Variants in PCTP observed in about 807,000 individuals in gnomAD.
The protein encoded by PCTP is phosphatidylcholine transfer protein, also known as START domain-containing protein 2.
Under a neutral mutation model 31.0 loss-of-function variants are expected in PCTP, and 27 were observed. The ratio of observed to expected loss-of-function variants is 0.87; its 90% confidence interval spans 0.64 to 1.20. The LOEUF (loss-of-function observed/expected upper bound fraction) is 1.20, where lower values mean the gene tolerates loss of function less well. Among genes scored for constraint, PCTP ranks in the 50% most tolerant of loss-of-function variants. The probability of loss-of-function intolerance (pLI) is 0.00; values close to 1 mark genes in which losing one functional copy is unlikely to be tolerated. For synonymous variants in PCTP, 108 were observed against 101.2 expected (o/e 1.07, Z -0.40); for missense variants, 287 against 268.2 (o/e 1.07, Z -0.49).
intron 1 of PCTP, among the ~76,000 whole-genome samples, chr17:55,752,640 T>G (rs1909776157): frequency 6.6e-6 from 1 of 152,212 alleles, no homozygotes; most frequent in African/African-American, 2.4e-5. Context: ...ACTTACAAAT[T>G]AGTAGGGCTG....
chr17:55,841,470 T>G (rs891795698), intron 5 of PCTP, among the ~76,000 whole-genome samples: 1 of 152,240 alleles, frequency 6.6e-6, no homozygotes, highest in African/African-American at 2.4e-5. Flanking sequence ...ATATTTTTAC[T>G]GACTTTGACT....
chr17:55,847,709 C>T (rs2145100990), downstream of PCTP, among the ~76,000 whole-genome samples: 1 of 152,178 alleles, frequency 6.6e-6, no homozygotes, highest in East Asian at 1.9e-4. Flanking sequence ...AGTTTGAGTC[C>T]AAAGACTAAT....
At chr17:55,772,070 G>C (rs1037953266) in intron 3 of PCTP, among the ~76,000 whole-genome samples, 1 of 152,148 alleles carries the variant, frequency 6.6e-6, no homozygotes, top group Non-Finnish European at 1.5e-5. Flanking sequence ...TTCTTCCTCC[G>C]TGGAGTATCA....
At chr17:55,810,235 G>A (rs1039589320) in intron 3 of PCTP, among the ~76,000 whole-genome samples, 3 of 152,110 alleles carry the variant, frequency 2.0e-5, no homozygotes, top group Non-Finnish European at 2.9e-5. Flanking sequence ...CAGGCTGGTC[G>A]CAAACTCCTG....
Position 55,776,858 on chromosome 17 carries a change from C to T in PCTP, c.*758C>T, listed in dbSNP as rs1275958309. The T allele has an allele frequency of 7.0e-6, 7 of 1,001,462 alleles. No homozygotes were observed. The highest frequency in any genetic ancestry group is 8.3e-6 in the Non-Finnish European group (7 of 841,144). The allele number at this position is 1,001,462 out of a possible 1,614,324, so 62.0% of individuals were successfully genotyped here. On this transcript the variant is annotated 3_prime_UTR_variant, in exon 6 of 6. Coordinates refer to ENST00000268896, the MANE Select transcript of PCTP (RefSeq NM_021213.4). Reference sequence around the variant, plus strand: ...CCATATGTCACTGGGGGAAAGGCTGCCTGTACCTCTCAAGCTTTGCATTTT... The same window carrying T: ...CCATATGTCACTGGGGGAAAGGCTGTCTGTACCTCTCAAGCTTTGCATTTT...
chr17:55,759,847 A>G (rs540881067), intron 1 of PCTP, among the ~76,000 whole-genome samples: 1 of 152,348 alleles, frequency 6.6e-6, no homozygotes, highest in African/African-American at 2.4e-5. Context: ...TCATTTGCAA[A>G]CATTACGACA....
At chr17:55,831,833 G>C (rs2145080124) in intron 5 of PCTP, among the ~76,000 whole-genome samples, 1 of 152,248 alleles carries the variant, frequency 6.6e-6, no homozygotes, top group South Asian at 2.1e-4. Flanking sequence ...TGTAATCCCA[G>C]CACTTTGGGA....
intron 3 of PCTP, among the ~76,000 whole-genome samples, chr17:55,819,867 C>G (rs144378699): frequency 6.6e-6 from 1 of 152,210 alleles, no homozygotes; most frequent in East Asian, 1.9e-4. Context: ...TAAACCCTCT[C>G]AATTACAATA....
intron 3 of PCTP, among the ~76,000 whole-genome samples, chr17:55,790,239 G>T (rs970012587): frequency 1.3e-5 from 2 of 151,972 alleles, no homozygotes; most frequent in African/African-American, 4.8e-5. Context: ...TTTGAAAACT[G>T]GCACAAGACA....
At chr17:55,760,677 C>T (rs947009962) in intron 1 of PCTP, among the ~76,000 whole-genome samples, 1 of 152,160 alleles carries the variant, frequency 6.6e-6, no homozygotes, top group Non-Finnish European at 1.5e-5. Flanking sequence ...TGCCTTTCTC[C>T]TGGTTCCTTT....
At chr17:55,769,747 C>T (rs1031559906) in intron 2 of PCTP, 2 of 152,246 alleles carry the variant, frequency 1.3e-5, no homozygotes, top group Non-Finnish European at 2.9e-5. Context: ...ATCTGCCATC[C>T]CTGAATTCGT....
At chr17:55,779,255 T>C (rs1178879850), downstream of PCTP, among the ~76,000 whole-genome samples, 3 of 152,140 alleles carry the variant, frequency 2.0e-5, no homozygotes, top group Non-Finnish European at 2.9e-5. Context: ...TATGGTCTAA[T>C]GAAAACTCAG....
rs138346469 is a variant in PCTP at position 55,800,880 on chromosome 17, C to T, written c.317+13226C>T. 2.2e-3 allele frequency among the ~76,000 whole-genome samples: 342 copies of T among 152,172 alleles called. 2 individuals carry two copies. Among genetic ancestry groups the T allele is most frequent in the South Asian group, 3.7e-3 (18 of 4,818 alleles). On this transcript the variant is annotated intron_variant, in intron 3 of 3. Coordinates refer to the PCTP transcript ENST00000572536. ...TTAGTTTTCCTTCTAACAGTCTGGGCCCTCTGCTGCAGGTCTGCTGGAGTT... is the reference window on the plus strand; with the variant it reads ...TTAGTTTTCCTTCTAACAGTCTGGGTCCTCTGCTGCAGGTCTGCTGGAGTT...
chr17:55,767,486 C>T (rs35430620), intron 2 of PCTP, 34 bp downstream of exon 2: 1,115,322 of 1,432,682 alleles, frequency 0.78, 446,611 homozygotes, highest in East Asian at 0.86. Flanking sequence ...TTTTTTTAGA[C>T]GTACTTTCAC....
At position 55,805,866 on chromosome 17, in the gene PCTP, G is replaced by GTC. The variant is rs1555569919; in HGVS notation, c.318-16884_318-16883dup. On this transcript the variant is annotated intron_variant, in intron 3 of 3. Coordinates refer to the PCTP transcript ENST00000572536. ...GTAGGGTATGAGAACTCCAGTTATGGTCTCTCTCTCTCAATCTGTATGTGT... is the reference window on the plus strand; with the variant it reads ...GTAGGGTATGAGAACTCCAGTTATGGTCTCTCTCTCTCTCAATCTGTATGTGT... 2.8e-5 allele frequency among the ~76,000 whole-genome samples: 4 copies of GTC among 142,464 alleles called. No homozygotes were observed. In the South Asian group the frequency reaches 6.5e-4, roughly 23 times the overall value. 93.5% of individuals were successfully genotyped at this position (142,464 alleles called of 152,430 possible).
Position 55,766,593 on chromosome 17 carries a change from G to A in PCTP, c.142-742G>A, listed in dbSNP as rs76909128. 2.1e-3 allele frequency among the ~76,000 whole-genome samples: 320 copies of A among 151,900 alleles called. 3 individuals carry two copies. The highest frequency in any genetic ancestry group is 7.1e-3 in the South Asian group (34 of 4,802). ...ATGTCCCTACAAAGGACATGAACTC[G>A]TCATTTTTTATGGCTGCATAGTATT... On this transcript the variant is annotated intron_variant, in intron 1 of 5. Coordinates refer to ENST00000268896, the MANE Select transcript of PCTP (RefSeq NM_021213.4).
downstream of PCTP, among the ~76,000 whole-genome samples, chr17:55,777,752 T>A (rs1301389312): frequency 6.6e-6 from 1 of 152,256 alleles, no homozygotes; most frequent in Admixed American, 6.5e-5. Flanking sequence ...ATCTATGCCC[T>A]GCTCATTATG....
At chr17:55,766,212 G>GA (rs1322854477) in intron 1 of PCTP, among the ~76,000 whole-genome samples, 1 of 151,690 alleles carries the variant, frequency 6.6e-6, no homozygotes, top group Non-Finnish European at 1.5e-5. Flanking sequence ...GACCACAGAG[G>GA]AGGTCAGTGT....
In PCTP at chr17:55,813,559, C is replaced by T. The variant is rs568472517; in HGVS notation, c.318-9202C>T. 7.9e-5 allele frequency among the ~76,000 whole-genome samples: 12 copies of T among 152,272 alleles called. No homozygotes were observed. In the South Asian group the frequency reaches 2.1e-3, roughly 26 times the overall value. ...CGAACTCCTGATCTCAGGTGATTTG[C>T]CTGCCTTGGCCTCCCAAGGTGCTGG... On this transcript the variant is annotated intron_variant, in intron 3 of 3. Transcript: ENST00000572536.
Sources: allele counts gnomAD v4.1 joint callset (sites outside exome capture counted in the v4.1 genomes callset), GRCh38; gene constraint gnomAD v4.1.1; transcripts MANE v1.5; gene names NCBI Gene and HGNC (gene_info 2026-07-23, HGNC 2026-07-21).